The following VPS39 variants were observed in gnomAD, a reference collection of about 807,000 sequenced individuals.
VPS39 encodes VPS39 subunit of HOPS complex, also known as vam6/Vps39-like protein.
Under a neutral mutation model 121.0 loss-of-function variants are expected in VPS39, and 70 were observed. The ratio of observed to expected loss-of-function variants is 0.58; its 90% CI spans 0.48 to 0.71. The LOEUF (loss-of-function observed/expected upper bound fraction) is 0.71. Ranked by LOEUF, VPS39 falls within the 30% of genes least tolerant of loss-of-function variation. The pLI is 0.00. For missense variants in VPS39, 818 were observed against 1,051.5 expected, an observed-to-expected ratio of 0.78 and a Z score of 3.07; for synonymous variants, 378 against 398.1, an observed-to-expected ratio of 0.95 and a Z score of 0.60.
At chr15:42,199,009 T>G (rs2050006154) in intron 2 of VPS39, among the ~76,000 whole-genome samples, 1 of 152,232 alleles carries the variant, frequency 6.6e-6, no homozygotes, top group Admixed American at 6.5e-5. Context: ...AAGGTGCTTT[T>G]TCCCCCAGTG....
At chr15:42,181,340 A>G (rs1297873112) in intron 8 of VPS39, among the ~76,000 whole-genome samples, 1 of 152,210 alleles carries the variant, frequency 6.6e-6, no homozygotes, top group African/African-American at 2.4e-5. Flanking sequence ...TATATGAGGT[A>G]TCTAGAAGAT....
At chr15:42,207,590 G>T (rs75548760) in intron 1 of VPS39, among the ~76,000 whole-genome samples, 1,637 of 152,224 alleles carry the variant, frequency 0.011, 30 homozygotes, top group African/African-American at 0.038. Flanking sequence ...GTTCCCTACA[G>T]GAATGAGAAA....
At chr15:42,196,581 C>G (rs2049943157) in intron 2 of VPS39, among the ~76,000 whole-genome samples, 1 of 152,172 alleles carries the variant, frequency 6.6e-6, no homozygotes, top group Non-Finnish European at 1.5e-5. Flanking sequence ...TCATCATCAT[C>G]ATCACTGGCC....
intron 2 of VPS39, chr15:42,192,228 C>T (rs1209250010): frequency 1.1e-6 from 1 of 883,016 alleles, no homozygotes; most frequent in East Asian, 2.6e-5. Context: ...TCATCATCAT[C>T]ATCAGAGCAG....
chr15:42,177,706 A>T (rs1331612585), intron 10 of VPS39, among the ~76,000 whole-genome samples: 2 of 151,486 alleles, frequency 1.3e-5, no homozygotes, highest in Non-Finnish European at 2.9e-5. Flanking sequence ...TCGCTATGTC[A>T]CCCAAGCTGG....
Position 42,191,120 on chromosome 15 carries a change from C to G in VPS39, c.247+5G>C. On this transcript the variant is annotated splice_donor_5th_base_variant and intron_variant, in intron 4 of 24. Transcript: ENST00000318006. ...ACAGGATACAAATGCAACTCCTTTT[C>G]TTACCTAACAAGCTGACCAGAATCT... 6.2e-7 allele frequency: 1 copy of G among 1,614,038 alleles called. No homozygotes were observed. Among genetic ancestry groups the G allele is most frequent in the Non-Finnish European group, 8.5e-7 (1 of 1,179,902 alleles).
At chr15:42,182,695 A>G (rs527538904) in intron 8 of VPS39, among the ~76,000 whole-genome samples, 69 of 152,342 alleles carry the variant, frequency 4.5e-4, no homozygotes, top group African/African-American at 1.6e-3. Flanking sequence ...GGGTTAGGGA[A>G]GCACCAAGAA....
chr15:42,185,799 T>C (rs543010862), intron 7 of VPS39, among the ~76,000 whole-genome samples: 12 of 152,332 alleles, frequency 7.9e-5, no homozygotes, highest in African/African-American at 2.9e-4. Flanking sequence ...TGAATCTCGA[T>C]TGTGGCATTA....
intron 12 of VPS39, 126 bp from the exon 13 acceptor site, chr15:42,167,663 A>G: frequency 2.4e-6 from 3 of 1,255,798 alleles, no homozygotes; most frequent in Non-Finnish European, 3.3e-6. Flanking sequence ...TTAGCATTCG[A>G]TTTTTAGCAC....
intron 8 of VPS39, among the ~76,000 whole-genome samples, chr15:42,179,566 A>G (rs2049532212): frequency 6.9e-6 from 1 of 144,846 alleles, no homozygotes; most frequent in African/African-American, 2.5e-5. Flanking sequence ...ACAGAGCAAG[A>G]CTCCATCTCA....
intron 8 of VPS39, among the ~76,000 whole-genome samples, chr15:42,183,852 TC>T (rs2049640725): frequency 1.3e-5 from 2 of 152,078 alleles, no homozygotes; most frequent in African/African-American, 4.8e-5. Flanking sequence ...TGTCAGTACG[TC>T]CCACTTCACA....
At chr15:42,166,990 G>A in intron 13 of VPS39, 77 bp from the exon 14 acceptor site, 2 of 1,585,714 alleles carry the variant, frequency 1.3e-6, no homozygotes, top group East Asian at 2.2e-5. Context: ...CCTGCTCTAG[G>A]CTGAAAGGCC....
At chr15:42,187,102 T>C (rs1027449752) in intron 7 of VPS39, among the ~76,000 whole-genome samples, 169 bp downstream of exon 7, 2 of 152,210 alleles carry the variant, frequency 1.3e-5, no homozygotes, top group Non-Finnish European at 2.9e-5. Flanking sequence ...GTTACAAAGA[T>C]ATCCTATTTG....
chr15:42,199,994 A>G (rs770551440), intron 1 of VPS39, 33 bp from the exon 2 acceptor site: 1 of 1,517,602 alleles, frequency 6.6e-7, no homozygotes, highest in Non-Finnish European at 8.7e-7. Flanking sequence ...AAACAAAAAC[A>G]AAAAAAAACC....
At chr15:42,169,188 T>C (rs779438130) in intron 12 of VPS39, among the ~76,000 whole-genome samples, 8 of 152,188 alleles carry the variant, frequency 5.3e-5, no homozygotes, top group Admixed American at 1.3e-4. Context: ...TATAAAACAA[T>C]CTACAATTTG....
At chr15:42,205,549 G>C (rs1339607290) in intron 1 of VPS39, among the ~76,000 whole-genome samples, 1 of 152,224 alleles carries the variant, frequency 6.6e-6, no homozygotes, top group Non-Finnish European at 1.5e-5. Context: ...AAAGGAGTGA[G>C]AGGTAAGTAC....
rs2140899615 is a variant in VPS39 at position 42,208,095 on chromosome 15, C to G, written c.59G>C (p.Cys20Ser). 6.3e-7 allele frequency: 1 copy of G among 1,586,644 alleles called. No individual in the cohort carries two copies. Among genetic ancestry groups the G allele is most frequent in the African/African-American group, 1.3e-5 (1 of 74,512 alleles). ...CCTCGGCTCACCCCAGGCAGCCAGA[C>G]AGTCGATTTGCAGAGGCAGCTTTTC... ...ILEKLPLQID[C>S]LAAWEEWLLV... The change falls in exon 1 of 25, where the codon TGT (cysteine) becomes TCT (serine). Residue 20 changes from cysteine (C) to serine (S), a missense_variant. Cys to Ser is a moderately radical substitution (Grantham distance 112). Transcript: ENST00000318006.
At chr15:42,196,099 C>T (rs143713289) in intron 2 of VPS39, among the ~76,000 whole-genome samples, 9,070 of 152,016 alleles carry the variant, frequency 0.06, 378 homozygotes, top group South Asian at 0.16. Context: ...AAATGGTGCT[C>T]GGAAAACTGG....
intron 8 of VPS39, among the ~76,000 whole-genome samples, chr15:42,182,263 T>G (rs985958476): frequency 6.6e-6 from 1 of 152,256 alleles, no homozygotes; most frequent in African/African-American, 2.4e-5. Context: ...GGCCTCATTT[T>G]GAAAAGTTAG....
Sources: allele counts gnomAD v4.1 joint callset (sites outside exome capture counted in the v4.1 genomes callset), GRCh38; gene constraint gnomAD v4.1.1; transcripts MANE v1.5; gene names NCBI Gene and HGNC (gene_info 2026-07-23, HGNC 2026-07-21).